LRRC4C: variants seen among roughly 807,000 people sequenced by gnomAD.
The protein encoded by LRRC4C is leucine rich repeat containing 4C.
In LRRC4C, 5 loss-of-function variants were observed where a neutral mutation model predicts 33.6. That is an observed-to-expected ratio of 0.15 (90% CI 0.08 to 0.31). LRRC4C has a LOEUF of 0.31. Ranked by LOEUF, LRRC4C falls within the 10% of genes least tolerant of loss-of-function variation. The pLI, the probability that LRRC4C is intolerant of heterozygous loss-of-function variation, is 1.00. For synonymous variants in LRRC4C, 329 were observed against 302.0 expected (o/e 1.09, Z -0.93); for missense variants, 560 against 796.7 (o/e 0.70, Z 3.58).
At chr11:40,418,341 C>T (rs2137712286) in intron 3 of LRRC4C, among the ~76,000 whole-genome samples, 1 of 152,094 alleles carries the variant, frequency 6.6e-6, no homozygotes, top group East Asian at 1.9e-4. Flanking sequence ...TTTATGCACC[C>T]AACAAACATA....
At chr11:40,156,745 A>G (rs1208389028) in intron 5 of LRRC4C, among the ~76,000 whole-genome samples, 2 of 152,104 alleles carry the variant, frequency 1.3e-5, no homozygotes, top group South Asian at 2.1e-4. Context: ...ACTACAAAAC[A>G]CTGCTGAAAA....
At chr11:40,936,065 T>TAAAA (rs545541105) in intron 1 of LRRC4C, among the ~76,000 whole-genome samples, 16 of 75,828 alleles carry the variant, frequency 2.1e-4, no homozygotes, top group East Asian at 4.0e-4. Context: ...TATATATATA[T>TAAAA]AACATAGTTT....
chr11:41,252,202 A>T (rs1038113607), intron 1 of LRRC4C, among the ~76,000 whole-genome samples: 7 of 152,190 alleles, frequency 4.6e-5, no homozygotes, highest in Admixed American at 1.3e-4. Context: ...TGCTGGGCTA[A>T]CCTGGTAGAA....
intron 1 of LRRC4C, among the ~76,000 whole-genome samples, chr11:41,127,224 T>G (rs957633961): frequency 1.3e-5 from 2 of 151,542 alleles, no homozygotes; most frequent in Non-Finnish European, 2.9e-5. Context: ...AAAGCTCATC[T>G]GAATAAATTT....
intron 1 of LRRC4C, among the ~76,000 whole-genome samples, chr11:41,454,478 A>G (rs759242057): frequency 3.3e-5 from 5 of 152,136 alleles, no homozygotes; most frequent in Non-Finnish European, 7.4e-5. Context: ...TGTTCCTGGT[A>G]GGTGCTTAAT....
intron 1 of LRRC4C, among the ~76,000 whole-genome samples, chr11:41,072,281 T>TCATTGTTCTCTTA (rs771392938): frequency 7.3e-6 from 1 of 137,416 alleles, no homozygotes; most frequent in African/African-American, 2.8e-5. Flanking sequence ...GTGGCAAACA[T>TCATTGTTCTCTTA]TGAAGACCCT....
chr11:41,353,908 A>G (rs1167426601), intron 1 of LRRC4C, among the ~76,000 whole-genome samples: 1 of 152,084 alleles, frequency 6.6e-6, no homozygotes, highest in Non-Finnish European at 1.5e-5. Flanking sequence ...TCTCAAACCC[A>G]CAGCCAACAT....
At chr11:41,311,681 A>G (rs1431212635) in intron 1 of LRRC4C, among the ~76,000 whole-genome samples, 2 of 152,240 alleles carry the variant, frequency 1.3e-5, no homozygotes, top group East Asian at 3.9e-4. Flanking sequence ...AGAGGCAGTG[A>G]TCTAATATTG....
intron 5 of LRRC4C, among the ~76,000 whole-genome samples, chr11:40,165,645 G>T (rs145771967): frequency 1.2e-4 from 18 of 152,252 alleles, no homozygotes; most frequent in African/African-American, 4.3e-4. Flanking sequence ...TATATAAAAT[G>T]AATTAGATCT....
intron 3 of LRRC4C, among the ~76,000 whole-genome samples, chr11:40,332,823 G>T (rs2136947527): frequency 6.6e-6 from 1 of 152,222 alleles, no homozygotes; most frequent in South Asian, 2.1e-4. Flanking sequence ...TCTTACATCT[G>T]TTAGGCCAAA....
chr11:41,309,302 A>T (rs1950586225), intron 1 of LRRC4C, among the ~76,000 whole-genome samples: 1 of 152,208 alleles, frequency 6.6e-6, no homozygotes, highest in African/African-American at 2.4e-5. Flanking sequence ...CCACTGAGGC[A>T]CAGGGCTCAT....
chr11:40,516,940 C>G (rs1955583963), intron 3 of LRRC4C, among the ~76,000 whole-genome samples: 1 of 152,096 alleles, frequency 6.6e-6, no homozygotes, highest in African/African-American at 2.4e-5. Context: ...GAGCATTGTA[C>G]AGAGCAGGGC....
At chr11:40,261,599 G>T (rs537127078) in intron 4 of LRRC4C, among the ~76,000 whole-genome samples, 2 of 152,182 alleles carry the variant, frequency 1.3e-5, no homozygotes, top group African/African-American at 4.8e-5. Flanking sequence ...TATGAAAAGG[G>T]TACAGTACAA....
rs564174000 is a variant in LRRC4C at position 40,260,247 on chromosome 11, C to A, written c.-175-18649G>T. On this transcript the variant is annotated intron_variant, in intron 4 of 6. Coordinates refer to ENST00000528697, the MANE Select transcript of LRRC4C (RefSeq NM_001258419.2). ...CCATAAAAAATGATGAGTTCATGTC[C>A]TTTGTAGGGACATGGATGAAATTGG... Among the ~76,000 whole-genome samples, 127 of 128,050 alleles carry A rather than the reference C, an allele frequency of 9.9e-4. No individual in the cohort carries two copies. In the East Asian group the frequency reaches 0.026, roughly 26 times the overall value. The allele number at this position is 128,050 out of a possible 152,430, so 84.0% of individuals were successfully genotyped here.
At chr11:41,112,959 C>A (rs1422055705) in intron 1 of LRRC4C, among the ~76,000 whole-genome samples, 1 of 151,870 alleles carries the variant, frequency 6.6e-6, no homozygotes, top group Non-Finnish European at 1.5e-5. Context: ...CAGGAATTAG[C>A]GTATATTGGG....
intron 3 of LRRC4C, among the ~76,000 whole-genome samples, chr11:40,359,687 C>A (rs1256816159): frequency 6.6e-6 from 1 of 152,154 alleles, no homozygotes; most frequent in Non-Finnish European, 1.5e-5. Context: ...CCAGTTGCTA[C>A]AGGATATTAT....
intron 3 of LRRC4C, among the ~76,000 whole-genome samples, chr11:40,362,363 A>G (rs539314780): frequency 6.6e-6 from 1 of 152,198 alleles, no homozygotes; most frequent in African/African-American, 2.4e-5. Context: ...CAAATTATAC[A>G]TCTGAGAAAG....
intron 1 of LRRC4C, among the ~76,000 whole-genome samples, chr11:41,192,345 T>TGC (rs1215164568): frequency 3.6e-4 from 54 of 151,822 alleles, no homozygotes; most frequent in African/African-American, 1.3e-3. Flanking sequence ...TGTGTGTGTG[T>TGC]GTGTGTGTTC....
intron 1 of LRRC4C, among the ~76,000 whole-genome samples, chr11:41,078,606 C>T (rs575243672): frequency 6.6e-6 from 1 of 152,178 alleles, no homozygotes; most frequent in African/African-American, 2.4e-5. Flanking sequence ...ACAACCAGGT[C>T]TTGTGAGAAC....
Sources: allele counts gnomAD v4.1 joint callset (sites outside exome capture counted in the v4.1 genomes callset), GRCh38; gene constraint gnomAD v4.1.1; transcripts MANE v1.5; gene names NCBI Gene and HGNC (gene_info 2026-07-23, HGNC 2026-07-21).